CDK6: variants seen among roughly 807,000 people sequenced by gnomAD.
The protein encoded by CDK6 is cyclin-dependent kinase 6.
CDK6 carries 6 observed loss-of-function variants against 37.1 expected under a neutral mutation model. The observed-to-expected ratio is 0.16, with a 90% CI of 0.09 to 0.32. The LOEUF (loss-of-function observed/expected upper bound fraction) is 0.32. Ranked by LOEUF, CDK6 falls within the 10% of genes least tolerant of loss-of-function variation. The pLI is 1.00. For missense variants in CDK6, 224 were observed against 418.9 expected (o/e 0.53, Z 4.06); for synonymous variants, 160 against 161.3 (o/e 0.99, Z 0.06).
At chr7:92,836,091 T>C (rs892101551) in intron 1 of CDK6, among the ~76,000 whole-genome samples, 2 of 152,058 alleles carry the variant, frequency 1.3e-5, no homozygotes, top group African/African-American at 4.8e-5. Flanking sequence ...TTTTAAACCC[T>C]AAATGTGAAT....
chr7:92,789,788 C>T (rs2115849325), intron 2 of CDK6, among the ~76,000 whole-genome samples: 1 of 152,238 alleles, frequency 6.6e-6, no homozygotes, highest in African/African-American at 2.4e-5. Context: ...TATACTATTA[C>T]TCTCATTTTA....
chr7:92,719,123 G>A (rs1798305628), intron 4 of CDK6, among the ~76,000 whole-genome samples: 1 of 152,168 alleles, frequency 6.6e-6, no homozygotes, highest in Non-Finnish European at 1.5e-5. Flanking sequence ...GGGGATGTAA[G>A]TAATTTTTTT....
rs1366347952 is a variant in CDK6, at chr7:92,607,587, A to G, written c.*7553T>C. Reference sequence around the variant, plus strand: ...TTTTCTTAGGTCCATCAATACCATGATAATGAACATTAGATGCAAAATCCT... The same window carrying G: ...TTTTCTTAGGTCCATCAATACCATGGTAATGAACATTAGATGCAAAATCCT... On this transcript the variant is annotated 3_prime_UTR_variant, in exon 8 of 8. Transcript: ENST00000424848. 1.7e-5 allele frequency: 4 copies of G among 232,856 alleles called. No homozygotes were observed. The highest frequency in any genetic ancestry group is 8.8e-5 in the African/African-American group (4 of 45,350). The allele number at this position is 232,856 out of a possible 1,614,324, so 14.4% of individuals were successfully genotyped here.
At chr7:92,790,774 T>A (rs565750229) in intron 2 of CDK6, among the ~76,000 whole-genome samples, 2 of 152,058 alleles carry the variant, frequency 1.3e-5, no homozygotes, top group Non-Finnish European at 2.9e-5. Context: ...AACCCATCCA[T>A]ATGTGGAGGA....
chr7:92,677,581 T>G (rs1036017362), intron 4 of CDK6, among the ~76,000 whole-genome samples: 3 of 152,224 alleles, frequency 2.0e-5, no homozygotes, highest in Non-Finnish European at 4.4e-5. Context: ...ATCCCTTTAG[T>G]CTGGGTGAAA....
intron 3 of CDK6, among the ~76,000 whole-genome samples, chr7:92,764,106 A>T (rs1389144039): frequency 6.7e-6 from 1 of 150,018 alleles, no homozygotes; most frequent in African/African-American, 2.4e-5. Flanking sequence ...AATTAATCTA[A>T]CCATTACATG....
chr7:92,682,848 C>T (rs751868179), intron 4 of CDK6, among the ~76,000 whole-genome samples: 3 of 152,142 alleles, frequency 2.0e-5, no homozygotes, highest in Non-Finnish European at 4.4e-5. Flanking sequence ...GTGCAAGGAC[C>T]ATTTTATTTT....
intron 3 of CDK6, among the ~76,000 whole-genome samples, chr7:92,743,351 G>A (rs2115643255): frequency 6.6e-6 from 1 of 151,136 alleles, no homozygotes. Flanking sequence ...ACTCCAGCCT[G>A]GGTGACAAAA....
chr7:92,792,389 A>G (rs1171621252), intron 2 of CDK6, among the ~76,000 whole-genome samples: 1 of 152,174 alleles, frequency 6.6e-6, no homozygotes, highest in East Asian at 1.9e-4. Context: ...TTCTATATGT[A>G]ATTTATTAGA....
intron 5 of CDK6, among the ~76,000 whole-genome samples, chr7:92,626,429 A>G (rs1795929462): frequency 6.6e-6 from 1 of 152,084 alleles, no homozygotes; most frequent in Non-Finnish European, 1.5e-5. Flanking sequence ...TTTCATCTTA[A>G]TAGAATGTTA....
chr7:92,687,438 C>T (rs79713926), intron 4 of CDK6, among the ~76,000 whole-genome samples: 8,482 of 152,152 alleles, frequency 0.056, 385 homozygotes, highest in South Asian at 0.2. Context: ...TCCAAATTTG[C>T]CCCCAAACTC....
chr7:92,650,010 A>G (rs1796536830), intron 5 of CDK6, among the ~76,000 whole-genome samples: 1 of 152,204 alleles, frequency 6.6e-6, no homozygotes, highest in South Asian at 2.1e-4. Context: ...ATAGGACAGC[A>G]TGTACCATTG....
intron 5 of CDK6, among the ~76,000 whole-genome samples, chr7:92,624,998 G>A (rs939733824): frequency 9.2e-5 from 14 of 151,850 alleles, no homozygotes; most frequent in Admixed American, 8.5e-4. Flanking sequence ...ACTGGGGAAA[G>A]GGTCTGTTTG....
intron 5 of CDK6, among the ~76,000 whole-genome samples, chr7:92,642,357 T>C (rs1349457494): frequency 1.3e-5 from 2 of 152,182 alleles, no homozygotes; most frequent in African/African-American, 4.8e-5. Flanking sequence ...AGCACTACAA[T>C]GATTAGTCAT....
In CDK6 at chr7:92,614,761, G is replaced by T. The variant is rs965860401; in HGVS notation, c.*379C>A. 3.4e-6 allele frequency: 1 copy of T among 296,854 alleles called. No individual in the cohort carries two copies. 18.4% of individuals were successfully genotyped at this position (296,854 alleles called of 1,614,324 possible). A position where few individuals can be genotyped will look rare whatever the true frequency, so the allele number is the denominator to read the frequency against. On this transcript the variant is annotated 3_prime_UTR_variant, in exon 8 of 8. Coordinates refer to ENST00000424848, the MANE Select transcript of CDK6 (RefSeq NM_001145306.2). The stretch of plus-strand genomic sequence containing the variant: ...CACACACTCAAAAGTACCAAATCAG[G>T]CCCGGCAGCTGCAGAGAGATTACAT...
At chr7:92,618,308 G>A (rs1795725636) in intron 6 of CDK6, 101 bp from the exon 7 acceptor site, 3 of 1,188,992 alleles carry the variant, frequency 2.5e-6, no homozygotes, top group Non-Finnish European at 3.6e-6. Flanking sequence ...GGAGACATGG[G>A]GGGCAGAGTC....
intron 4 of CDK6, among the ~76,000 whole-genome samples, chr7:92,672,076 TTCA>T (rs1797082976): frequency 6.8e-6 from 1 of 146,990 alleles, no homozygotes; most frequent in African/African-American, 2.5e-5. Flanking sequence ...AATCTCAGAC[TTCA>T]TCACTATACA....
chr7:92,628,632 A>G (rs1795983487), intron 5 of CDK6, among the ~76,000 whole-genome samples: 1 of 152,088 alleles, frequency 6.6e-6, no homozygotes, highest in Non-Finnish European at 1.5e-5. Flanking sequence ...ATCTCTGGGT[A>G]ATTCAAGTGC....
At chr7:92,730,523 G>C (rs975556851) in intron 3 of CDK6, among the ~76,000 whole-genome samples, 2 of 152,092 alleles carry the variant, frequency 1.3e-5, no homozygotes, top group South Asian at 2.1e-4. Context: ...AACTTCTCTC[G>C]CATGTCTCCC....
Sources: allele counts gnomAD v4.1 joint callset (sites outside exome capture counted in the v4.1 genomes callset), GRCh38; gene constraint gnomAD v4.1.1; transcripts MANE v1.5; gene names NCBI Gene and HGNC (gene_info 2026-07-23, HGNC 2026-07-21).